NFASC: variants seen among roughly 807,000 people sequenced by gnomAD.
NFASC encodes the protein neurofascin, also known as neurofascin homolog.
A neutral mutation model predicts 147.5 loss-of-function variants in NFASC; 43 were observed. The ratio of observed to expected loss-of-function variants is 0.29; its 90% confidence interval spans 0.23 to 0.38. NFASC has a LOEUF of 0.38. Ranked by LOEUF, NFASC falls within the 10% of genes least tolerant of loss-of-function variation. NFASC has a pLI of 1.00. For missense variants in NFASC, 1,320 were observed against 1,689.0 expected, an observed-to-expected ratio of 0.78 and a Z score of 3.83; for synonymous variants, 622 against 665.5, an observed-to-expected ratio of 0.93 and a Z score of 1.01.
chr1:204,988,932 C>T (rs1321015941), intron 23 of NFASC, 126 bp downstream of exon 23: 6 of 874,662 alleles, frequency 6.9e-6, no homozygotes, highest in African/African-American at 1.7e-5. Flanking sequence ...TCCTCAAGCC[C>T]TCGGAAGGTG....
chr1:204,901,869 GAGA>G (rs1425040991), intron 1 of NFASC, among the ~76,000 whole-genome samples: 2 of 152,154 alleles, frequency 1.3e-5, no homozygotes, highest in African/African-American at 4.8e-5. Flanking sequence ...CGGTAATGGA[GAGA>G]AGGTGGCACA....
intron 2 of NFASC, among the ~76,000 whole-genome samples, chr1:204,937,721 GT>G (rs2092986977): frequency 1.3e-5 from 2 of 152,286 alleles, no homozygotes; most frequent in East Asian, 1.9e-4. Flanking sequence ...TTCTGTCTGG[GT>G]TTTGGCAAAA....
intron 2 of NFASC, among the ~76,000 whole-genome samples, chr1:204,932,906 G>C (rs184360732): frequency 6.6e-6 from 1 of 152,326 alleles, no homozygotes; most frequent in Non-Finnish European, 1.5e-5. Context: ...TGAAGACTGA[G>C]TAGGAATTGA....
intron 17 of NFASC, among the ~76,000 whole-genome samples, chr1:204,978,117 T>C (rs2095443189): frequency 6.6e-6 from 1 of 151,244 alleles, no homozygotes; most frequent in African/African-American, 2.4e-5. Flanking sequence ...TTTCTATCCA[T>C]TTACAATCTA....
chr1:204,840,525 C>G (rs192925353), intron 1 of NFASC, among the ~76,000 whole-genome samples: 1 of 152,192 alleles, frequency 6.6e-6, no homozygotes. Flanking sequence ...TTACTAACAC[C>G]TGCACCACAG....
At chr1:204,977,772 C>A in intron 17 of NFASC, 47 bp downstream of exon 17, 4 of 1,567,056 alleles carry the variant, frequency 2.6e-6, no homozygotes, top group South Asian at 2.3e-5. Context: ...TCTCTTGGCA[C>A]CCAGGGTGTG....
intron 2 of NFASC, among the ~76,000 whole-genome samples, chr1:204,926,402 ATATATTTTTTTTTTTTT>A (rs1474615612): frequency 0.012 from 131 of 10,726 alleles, 2 homozygotes; most frequent in Non-Finnish European, 0.022. Context: ...ATATATATAT[ATATATTTTTTTTTTTTT>A]TTTTTTTTTT....
At chr1:204,922,638 G>C (rs2090722030) in intron 2 of NFASC, among the ~76,000 whole-genome samples, 1 of 152,102 alleles carries the variant, frequency 6.6e-6, no homozygotes, top group Non-Finnish European at 1.5e-5. Context: ...GCCCCTCCTA[G>C]GCTTGGATGC....
At position 204,907,390 on chromosome 1, in the gene NFASC, A is replaced by C. The variant is rs143835168; in HGVS notation, c.-199-13242A>C. On this transcript the variant is annotated intron_variant, in intron 1 of 29. Coordinates refer to ENST00000339876, the MANE Select transcript of NFASC (RefSeq NM_001005388.3). Reference sequence around the variant, plus strand: ...TATAGATTATCAAGTATTTTCTTTCAATCTGGGGCTTGTGTTTTCATCCTC... The same window carrying C: ...TATAGATTATCAAGTATTTTCTTTCCATCTGGGGCTTGTGTTTTCATCCTC... Among the ~76,000 whole-genome samples the C allele has an allele frequency of 1.2e-3, 190 of 152,312 alleles. 1 individual carries two copies. Among genetic ancestry groups the C allele is most frequent in the African/African-American group, 4.5e-3 (186 of 41,558 alleles).
chr1:204,988,613 A>G lies in NFASC; in HGVS notation c.2594-20A>G, dbSNP rs368951684. On this transcript the variant is annotated intron_variant, in intron 22 of 29. Transcript: ENST00000339876. ...ATAAATGTTGCTAAAGTTTAATTCC[A>G]CTTACCTCTCTCTCCCCAGTTAACG... is the stretch of plus-strand genomic sequence containing the variant. The G allele has an allele frequency of 6.0e-5, 97 of 1,611,562 alleles. No homozygotes were observed. Among genetic ancestry groups the G allele is most frequent in the Non-Finnish European group, 8.0e-5 (94 of 1,177,778 alleles).
At chr1:204,853,778 A>G (rs2075900706) in intron 1 of NFASC, among the ~76,000 whole-genome samples, 1 of 152,158 alleles carries the variant, frequency 6.6e-6, no homozygotes, top group Non-Finnish European at 1.5e-5. Context: ...GAAGGTGTGA[A>G]TGAGTTTCTT....
At chr1:204,846,756 G>A (rs937702239) in intron 1 of NFASC, among the ~76,000 whole-genome samples, 3 of 152,188 alleles carry the variant, frequency 2.0e-5, no homozygotes, top group African/African-American at 7.2e-5. Context: ...CCTGGGAAGA[G>A]CCCATTGTCT....
At chr1:204,966,067 A>G (rs902590651) in intron 8 of NFASC, among the ~76,000 whole-genome samples, 8 of 152,134 alleles carry the variant, frequency 5.3e-5, no homozygotes, top group South Asian at 2.1e-4. Flanking sequence ...ATGACCTCCA[A>G]CTTTTAGGAT....
intron 2 of NFASC, among the ~76,000 whole-genome samples, chr1:204,928,297 T>A (rs976004531): frequency 7.2e-5 from 11 of 152,234 alleles, no homozygotes; most frequent in African/African-American, 2.4e-4. Flanking sequence ...CCTAGGAGCA[T>A]GAATGAGTAA....
intron 2 of NFASC, among the ~76,000 whole-genome samples, chr1:204,942,252 TG>T (rs1197477172): frequency 6.6e-6 from 1 of 152,172 alleles, no homozygotes; most frequent in African/African-American, 2.4e-5. Flanking sequence ...ATGTCATACC[TG>T]GCAAATACTA....
At chr1:204,853,239 T>C (rs1488232251) in intron 1 of NFASC, among the ~76,000 whole-genome samples, 1 of 152,234 alleles carries the variant, frequency 6.6e-6, no homozygotes, top group African/African-American at 2.4e-5. Flanking sequence ...ATATTAGAAG[T>C]GGCTAGCCTA....
At chr1:204,951,014 CTGCTTTTTCT>C (rs2094074981) in intron 4 of NFASC, among the ~76,000 whole-genome samples, 1 of 152,184 alleles carries the variant, frequency 6.6e-6, no homozygotes, top group Non-Finnish European at 1.5e-5. Flanking sequence ...GAAAATCTAG[CTGCTTTTTCT>C]TCCTTTATTC....
intron 2 of NFASC, among the ~76,000 whole-genome samples, chr1:204,922,015 T>C (rs1165129131): frequency 6.6e-6 from 1 of 152,178 alleles, no homozygotes; most frequent in Admixed American, 6.5e-5. Flanking sequence ...GTGTGTGTTT[T>C]GGCAGGGGTG....
intron 1 of NFASC, among the ~76,000 whole-genome samples, chr1:204,893,309 G>A (rs759173761): frequency 1.3e-5 from 2 of 152,188 alleles, no homozygotes; most frequent in Non-Finnish European, 2.9e-5. Flanking sequence ...CTGAACAGCT[G>A]AAAATATAGA....
Sources: allele counts gnomAD v4.1 joint callset (sites outside exome capture counted in the v4.1 genomes callset), GRCh38; gene constraint gnomAD v4.1.1; transcripts MANE v1.5; gene names NCBI Gene and HGNC (gene_info 2026-07-23, HGNC 2026-07-21).